The following USP8 variants were observed in gnomAD, a reference collection of about 807,000 sequenced individuals.
USP8 encodes ubiquitin specific peptidase 8, also known as ubiquitin carboxyl-terminal hydrolase 8.
A neutral mutation model predicts 130.0 loss-of-function variants in USP8; 27 were observed. The observed-to-expected ratio is 0.21, with a 90% CI of 0.15 to 0.29. The LOEUF (loss-of-function observed/expected upper bound fraction) is 0.29. Among genes scored for constraint, USP8 ranks in the 10% least tolerant of loss-of-function variants. The pLI, the probability that USP8 is intolerant of heterozygous loss-of-function variation, is 1.00. For synonymous variants in USP8, 392 were observed against 444.1 expected, an observed-to-expected ratio of 0.88 and a Z score of 1.48; for missense variants, 1,029 against 1,312.2, an observed-to-expected ratio of 0.78 and a Z score of 3.33.
Position 50,513,426 on chromosome 15 carries a change from G to A in USP8, c.*14338G>A, listed in dbSNP as rs964870730. The A allele has an allele frequency of 4.1e-4, 62 of 151,236 alleles. No individual in the cohort carries two copies. The highest frequency in any genetic ancestry group is 1.3e-3 in the African/African-American group (55 of 41,090). 9.4% of individuals were successfully genotyped at this position (151,236 alleles called of 1,614,324 possible). A position where few individuals can be genotyped will look rare whatever the true frequency, so the allele number is the denominator to read the frequency against. ...TATTTAATGAAAAAGTATGCTTGGC[G>A]CGGTAGCTCACACCTGTAATCCCAG... On this transcript the variant is annotated 3_prime_UTR_variant, in exon 20 of 20. Coordinates refer to ENST00000307179, the MANE Select transcript of USP8 (RefSeq NM_005154.5).
In USP8 at chr15:50,484,460, C is replaced by G. The variant is rs181957937; in HGVS notation, c.1890+99C>G. ...ACACTGCTATCTTTTATCATGAGAT[C>G]TACAGTGTAAGGGGATCGTTGCCAT... On this transcript the variant is annotated intron_variant, in intron 12 of 19. Coordinates refer to ENST00000307179, the MANE Select transcript of USP8 (RefSeq NM_005154.5). 1,634 of 997,246 alleles carry G rather than the reference C, an allele frequency of 1.6e-3. 6 individuals carry two copies. Among genetic ancestry groups the G allele is most frequent in the Non-Finnish European group, 2.1e-3 (1,417 of 661,708 alleles). 61.8% of individuals were successfully genotyped at this position (997,246 alleles called of 1,614,324 possible). A position where few individuals can be genotyped will look rare whatever the true frequency, so the allele number is the denominator to read the frequency against.
rs750246816 is a variant in USP8, at chr15:50,500,876, T to G, written c.*1788T>G. ...GAATGTCAAACTTAGTATTCACATA[T>G]GAACACTAACTACTGGAACAGAAAT... On this transcript the variant is annotated 3_prime_UTR_variant, in exon 20 of 20. Coordinates refer to ENST00000307179, the MANE Select transcript of USP8 (RefSeq NM_005154.5). 5.4e-6 allele frequency: 8 copies of G among 1,486,034 alleles called. No individual in the cohort carries two copies. The Middle Eastern group carries it at 1.0e-3, about 190-fold the overall frequency. 92.1% of individuals were successfully genotyped at this position (1,486,034 alleles called of 1,614,324 possible).
chr15:50,449,515 T>C (rs752829918), intron 4 of USP8, 30 bp downstream of exon 4: 5 of 1,357,598 alleles, frequency 3.7e-6, no homozygotes, highest in Non-Finnish European at 5.0e-6. Context: ...TTTAAAATAA[T>C]GTAAATTTAG....
chr15:50,459,218 G>T, intron 5 of USP8, 56 bp downstream of exon 5: 3 of 1,550,098 alleles, frequency 1.9e-6, no homozygotes, highest in Non-Finnish European at 2.6e-6. Context: ...TAGATGATTT[G>T]CTTAAAAAGA....
chr15:50,457,306 T>TC (rs1436034676), intron 4 of USP8, among the ~76,000 whole-genome samples: 1 of 151,738 alleles, frequency 6.6e-6, no homozygotes, highest in African/African-American at 2.4e-5. Flanking sequence ...ACCTGTAATC[T>TC]CAGCCTTTTG....
At position 50,502,786 on chromosome 15, in the gene USP8, CCAT is replaced by C. The variant is rs1366030605; in HGVS notation, c.*3699_*3701del. Reference sequence around the variant, plus strand: ...TAGCTGGGACTACAGGCATACACCACCATGTCCAGAATGAAAATGGATCTGACT... The same window carrying C: ...TAGCTGGGACTACAGGCATACACCACGTCCAGAATGAAAATGGATCTGACT... On this transcript the variant is annotated 3_prime_UTR_variant, in exon 20 of 20. Transcript: ENST00000307179. 2 of 152,476 alleles carry C rather than the reference CCAT, an allele frequency of 1.3e-5. No homozygotes were observed. The highest frequency in any genetic ancestry group is 4.8e-5 in the African/African-American group (2 of 41,596). 9.4% of individuals were successfully genotyped at this position (152,476 alleles called of 1,614,324 possible). A position where few individuals can be genotyped will look rare whatever the true frequency, so the allele number is the denominator to read the frequency against.
rs181178685 is a variant in USP8 at position 50,435,263 on chromosome 15, G to T, written c.-65-3746G>T. Reference sequence around the variant, plus strand: ...TTCTGTATCTGTGAATTCAACCAATGGCCGATTGGGAATATTTTAAAAAAA... The same window carrying T: ...TTCTGTATCTGTGAATTCAACCAATTGCCGATTGGGAATATTTTAAAAAAA... On this transcript the variant is annotated intron_variant, in intron 1 of 19. Transcript: ENST00000307179. Among the ~76,000 whole-genome samples, 835 of 152,230 alleles carry T rather than the reference G, an allele frequency of 5.5e-3. 4 individuals carry two copies. The highest frequency in any genetic ancestry group is 8.1e-3 in the Non-Finnish European group (549 of 68,028).
rs2052715035 is a variant in USP8 at position 50,509,822 on chromosome 15, T to A, written c.*10734T>A. On this transcript the variant is annotated 3_prime_UTR_variant, in exon 20 of 20. Coordinates refer to ENST00000307179, the MANE Select transcript of USP8 (RefSeq NM_005154.5). ...AATAGACAAATATCTGGAGAATAAGTTACCAAAATGACTGAAGAGAAATAC... is the reference window on the plus strand; with the variant it reads ...AATAGACAAATATCTGGAGAATAAGATACCAAAATGACTGAAGAGAAATAC... 1.3e-5 allele frequency: 2 copies of A among 152,068 alleles called. No individual in the cohort carries two copies. Among genetic ancestry groups the A allele is most frequent in the Admixed American group, 6.6e-5 (1 of 15,252 alleles). The allele number at this position is 152,068 out of a possible 1,614,324, so 9.4% of individuals were successfully genotyped here. A position where few individuals can be genotyped will look rare whatever the true frequency, so the allele number is the denominator to read the frequency against.
At chr15:50,483,001 T>C (rs560790347) in intron 11 of USP8, among the ~76,000 whole-genome samples, 2 of 152,280 alleles carry the variant, frequency 1.3e-5, no homozygotes, top group South Asian at 2.1e-4. Context: ...ACACCCCAAA[T>C]TGGGGATATG....
At chr15:50,487,732 C>T (rs2052015187) in intron 12 of USP8, among the ~76,000 whole-genome samples, 1 of 152,206 alleles carries the variant, frequency 6.6e-6, no homozygotes, top group East Asian at 1.9e-4. Flanking sequence ...ATGCCACAGA[C>T]AACTAAGTAT....
intron 6 of USP8, among the ~76,000 whole-genome samples, chr15:50,462,982 T>C (rs955877996): frequency 2.0e-5 from 3 of 151,932 alleles, no homozygotes; most frequent in African/African-American, 4.8e-5. Context: ...GCGCAGTGGC[T>C]CATTCCTGTA....
At chr15:50,465,504 G>C (rs970376331) in intron 7 of USP8, among the ~76,000 whole-genome samples, 4 of 152,068 alleles carry the variant, frequency 2.6e-5, no homozygotes, top group Admixed American at 2.6e-4. Context: ...CCTTTTTGAA[G>C]GTTGAAGTTA....
Position 50,459,104 on chromosome 15 carries a change from G to A in USP8, c.440G>A (p.Gly147Asp), listed in dbSNP as rs1175709880. 7.4e-6 allele frequency: 12 copies of A among 1,614,116 alleles called. No individual in the cohort carries two copies. Among genetic ancestry groups the A allele is most frequent in the Non-Finnish European group, 1.0e-5 (12 of 1,180,032 alleles). Residue 147 changes from glycine (G) to aspartate (D), a missense_variant, in exon 5 of 20, where the codon GGC becomes GAC. Around this residue, in one of 4 missense-constraint regions of USP8, gnomAD observed 281 missense variants for 336.7 expected, o/e 0.83. Transcript: ENST00000307179. ...CAGGAAACAGGAAGAGAGGATGGTGGCACATTGGCTAAAGGCTCTTTGGAG... is the reference window on the plus strand; with the variant it reads ...CAGGAAACAGGAAGAGAGGATGGTGACACATTGGCTAAAGGCTCTTTGGAG... ...KRQETGREDG[G>D]TLAKGSLENV...
intron 4 of USP8, among the ~76,000 whole-genome samples, chr15:50,449,700 A>T (rs556564510): frequency 7.0e-6 from 1 of 143,842 alleles, no homozygotes; most frequent in Admixed American, 7.0e-5. Flanking sequence ...TCCTGCCTCA[A>T]CCTCCCAAGT....
intron 1 of USP8, among the ~76,000 whole-genome samples, chr15:50,427,924 C>T (rs2049797866): frequency 6.6e-6 from 1 of 151,520 alleles, no homozygotes. Context: ...GTGGCATGAC[C>T]TTGGCTCACT....
Position 50,473,633 on chromosome 15 carries a change from G to C in USP8, c.849+1838G>C, listed in dbSNP as rs985898706. ...ACTGCCTCAGCCTCCTGAGTAGCTGGGACTACAGGTACGCACCATGCCTGG... is the reference window on the plus strand; with the variant it reads ...ACTGCCTCAGCCTCCTGAGTAGCTGCGACTACAGGTACGCACCATGCCTGG... On this transcript the variant is annotated intron_variant, in intron 8 of 19. Coordinates refer to ENST00000307179, the MANE Select transcript of USP8 (RefSeq NM_005154.5). Among the ~76,000 whole-genome samples, 54 of 151,306 alleles carry C rather than the reference G, an allele frequency of 3.6e-4. 1 individual carries two copies. Among genetic ancestry groups the C allele is most frequent in the African/African-American group, 1.3e-3 (54 of 41,242 alleles).
Position 50,459,039 on chromosome 15 carries a change from A to G in USP8, c.375A>G (p.Lys125=), listed in dbSNP as rs781041515. The G allele has an allele frequency of 2.5e-6, 4 of 1,613,810 alleles. No homozygotes were observed. In the East Asian group the frequency reaches 6.7e-5, roughly 27 times the overall value. The change falls in exon 5 of 20, where the codon AAA becomes AAG. Residue 125 remains lysine, a synonymous_variant. Transcript: ENST00000307179. ...EAEVRKKLEE[K]DRQEEAQRLQ... Reference sequence around the variant, plus strand: ...AAGTCCGGAAAAAACTTGAGGAAAAAGACAGGCAGGAGGAAGCACAGCGGC... The same window carrying G: ...AAGTCCGGAAAAAACTTGAGGAAAAGGACAGGCAGGAGGAAGCACAGCGGC...
In USP8 at chr15:50,496,202, C is replaced by G. The variant is rs775719675; in HGVS notation, c.2895+118C>G. ...AAACATTTTATCAGTAAAACTCGGC[C>G]GGGCGCAGTGGCTCATACCTTGTAC... On this transcript the variant is annotated intron_variant, in intron 17 of 19. Transcript: ENST00000307179. 2.2e-5 allele frequency: 18 copies of G among 833,460 alleles called. No individual in the cohort carries two copies. In the East Asian group the frequency reaches 4.6e-4, roughly 21 times the overall value. 51.6% of individuals were successfully genotyped at this position (833,460 alleles called of 1,614,324 possible). A position where few individuals can be genotyped will look rare whatever the true frequency, so the allele number is the denominator to read the frequency against.
chr15:50,484,582 T>C (rs2051887901), intron 12 of USP8, among the ~76,000 whole-genome samples: 1 of 152,222 alleles, frequency 6.6e-6, no homozygotes, highest in Non-Finnish European at 1.5e-5. Context: ...GACAGCGTAT[T>C]CTATTTATTT....
Sources: allele counts gnomAD v4.1 joint callset (sites outside exome capture counted in the v4.1 genomes callset), GRCh38; gene constraint gnomAD v4.1.1; regional missense constraint gnomAD v4.1.1; transcripts MANE v1.5; gene names NCBI Gene and HGNC (gene_info 2026-07-23, HGNC 2026-07-21).